The following FNBP1 variants were observed in gnomAD, a reference collection of about 807,000 sequenced individuals.
FNBP1 encodes formin binding protein 1, also known as formin-binding protein 1.
A neutral mutation model predicts 90.6 loss-of-function variants in FNBP1; 26 were observed. The observed-to-expected ratio is 0.29, with a 90% CI of 0.21 to 0.40. FNBP1 has a LOEUF of 0.40. FNBP1 is among the 10% of genes least tolerant of loss of function. FNBP1 has a pLI of 1.00. For synonymous variants in FNBP1, 260 were observed against 265.2 expected, an observed-to-expected ratio of 0.98 and a Z score of 0.19; for missense variants, 635 against 768.0, an observed-to-expected ratio of 0.83 and a Z score of 2.05.
At chr9:129,902,836 C>T (rs759834924) in intron 13 of FNBP1, 33 bp downstream of exon 13, 2 of 1,609,734 alleles carry the variant, frequency 1.2e-6, no homozygotes, top group South Asian at 1.1e-5. Flanking sequence ...TTCTTCGTTT[C>T]CAACAAAGCT....
intron 13 of FNBP1, among the ~76,000 whole-genome samples, chr9:129,901,071 A>G (rs1564269308): frequency 6.6e-6 from 1 of 152,094 alleles, no homozygotes. Context: ...AGATAAAATG[A>G]CCTTCAGCAT....
intron 1 of FNBP1, among the ~76,000 whole-genome samples, chr9:130,018,793 A>G (rs150049815): frequency 3.5e-4 from 54 of 152,324 alleles, no homozygotes; most frequent in African/African-American, 1.3e-3. Flanking sequence ...AAATAAGAAT[A>G]TAGTGTAGCT....
rs1354659698 is a variant in FNBP1 at position 130,007,333 on chromosome 9, AT to A, written c.25-12376del. Among the ~76,000 whole-genome samples the A allele has an allele frequency of 3.4e-4, 52 of 151,964 alleles. 1 individual carries two copies. The East Asian group carries it at 8.7e-3, about 25-fold the overall frequency. ...TTCATATTTTTATAACAATAATTATATTGTGTAAAAGGGCATTAAGGAGGCT... is the reference window on the plus strand; with the variant it reads ...TTCATATTTTTATAACAATAATTATATGTGTAAAAGGGCATTAAGGAGGCT... On this transcript the variant is annotated intron_variant, in intron 1 of 16. Transcript: ENST00000446176.
chr9:129,922,561 A>G (rs2041267606), intron 10 of FNBP1, among the ~76,000 whole-genome samples: 1 of 152,228 alleles, frequency 6.6e-6, no homozygotes, highest in East Asian at 1.9e-4. Flanking sequence ...GGAAAAAAGT[A>G]AATGAGCACA....
intron 1 of FNBP1, among the ~76,000 whole-genome samples, chr9:130,020,167 A>C (rs1293051721): frequency 6.6e-6 from 1 of 152,106 alleles, no homozygotes; most frequent in African/African-American, 2.4e-5. Context: ...AACGACATAG[A>C]TCTCATTTCA....
chr9:129,987,655 C>T (rs951785329), intron 2 of FNBP1, among the ~76,000 whole-genome samples: 6 of 151,812 alleles, frequency 4.0e-5, no homozygotes, highest in South Asian at 2.1e-4. Flanking sequence ...ATGACAGGAG[C>T]GCCCGGCTAA....
chr9:129,985,961 CAAAAAAA>C (rs898462142), intron 2 of FNBP1, among the ~76,000 whole-genome samples: 26 of 45,130 alleles, frequency 5.8e-4, no homozygotes, highest in East Asian at 1.3e-3. Flanking sequence ...AGCTCCATCT[CAAAAAAA>C]AAAAAAAAAA....
chr9:130,049,308 G>A, the FNBP1 span, among the ~76,000 whole-genome samples: 3 of 152,196 alleles, frequency 2.0e-5, no homozygotes, highest in Non-Finnish European at 4.4e-5. Context: ...ACGATTGCTT[G>A]AGCCTGGTAA....
At position 129,900,539 on chromosome 9, in the gene FNBP1, C is replaced by T. The variant is rs548685688; in HGVS notation, c.1437G>A (p.Leu479=). The change falls in exon 14 of 17, where the codon CTG becomes CTA. Residue 479 remains leucine, a synonymous_variant. Transcript: ENST00000446176. This position sits in a 1 kb window ranked among gnomAD's most constrained non-coding sequence, Gnocchi z 4.1. ...RVETQKFEAW[L]AEVEGRLPAR... Reference sequence around the variant, plus strand: ...CTGGGAGCCGGCCTTCAACCTCAGCCAGCCAGGCCTGGAGACAAAAGCAAT... The same window carrying T: ...CTGGGAGCCGGCCTTCAACCTCAGCTAGCCAGGCCTGGAGACAAAAGCAAT... The T allele has an allele frequency of 1.5e-5, 23 of 1,567,578 alleles. No homozygotes were observed. In the South Asian group the frequency reaches 2.6e-4, roughly 18 times the overall value.
intron 16 of FNBP1, chr9:129,895,589 A>G: frequency 8.1e-7 from 1 of 1,240,572 alleles, no homozygotes; most frequent in African/African-American, 1.5e-5. Flanking sequence ...CATAGCTGTA[A>G]GTTGGCGGTT....
intron 6 of FNBP1, among the ~76,000 whole-genome samples, chr9:129,938,541 C>CTTTTTTTTTTTT (rs77369142): frequency 2.8e-5 from 4 of 140,630 alleles, no homozygotes; most frequent in African/African-American, 7.9e-5. Flanking sequence ...TTTCCTGACT[C>CTTTTTTTTTTTT]TTTTTTTTTT....
chr9:129,990,308 A>G (rs2052926758), intron 2 of FNBP1, among the ~76,000 whole-genome samples: 1 of 152,360 alleles, frequency 6.6e-6, no homozygotes, highest in Middle Eastern at 3.4e-3. Flanking sequence ...AATATAGGAA[A>G]ACTGAAAAAG....
rs1005594973 is a variant in FNBP1 at position 129,888,486 on chromosome 9, G to A, written c.*2053C>T. The A allele has an allele frequency of 3.0e-5, 7 of 232,622 alleles. No individual in the cohort carries two copies. Among genetic ancestry groups the A allele is most frequent in the Admixed American group, 5.6e-5 (1 of 17,774 alleles). 14.4% of individuals were successfully genotyped at this position (232,622 alleles called of 1,614,324 possible). On this transcript the variant is annotated 3_prime_UTR_variant, in exon 17 of 17. Transcript: ENST00000446176. ...TGACTCTTCTCACCCTGTGTCATCCGGGCTTGTCTTTCGTCTGTCAAGTCA... is the reference window on the plus strand; with the variant it reads ...TGACTCTTCTCACCCTGTGTCATCCAGGCTTGTCTTTCGTCTGTCAAGTCA...
At chr9:130,017,646 A>G (rs1589287082) in intron 1 of FNBP1, among the ~76,000 whole-genome samples, 1 of 152,050 alleles carries the variant, frequency 6.6e-6, no homozygotes, top group African/African-American at 2.4e-5. Flanking sequence ...CCTGGCCAAC[A>G]TCGCGAAACC....
At chr9:129,926,574 A>G (rs2041943564) in intron 8 of FNBP1, among the ~76,000 whole-genome samples, 1 of 152,008 alleles carries the variant, frequency 6.6e-6, no homozygotes, top group Non-Finnish European at 1.5e-5. Context: ...GGCCTGAGAT[A>G]ATGTCAAAAG....
intron 6 of FNBP1, chr9:129,936,466 C>T (rs542405480): frequency 3.3e-5 from 5 of 152,218 alleles, no homozygotes; most frequent in Admixed American, 6.5e-5. Flanking sequence ...AGCACCGATC[C>T]CGATTCCCTC....
chr9:129,921,391 G>GT (rs2041067459), intron 10 of FNBP1, among the ~76,000 whole-genome samples: 1 of 149,856 alleles, frequency 6.7e-6, no homozygotes, highest in Non-Finnish European at 1.5e-5. Context: ...TTTTTTCATG[G>GT]GTTTTTTTTT....
chr9:130,027,995 A>G lies in FNBP1; in HGVS notation c.24+14957T>C, dbSNP rs550604127. Among the ~76,000 whole-genome samples the G allele has an allele frequency of 4.0e-4, 61 of 152,088 alleles. No homozygotes were observed. In the Middle Eastern group the frequency reaches 0.014, roughly 34 times the overall value. On this transcript the variant is annotated intron_variant, in intron 1 of 16. Coordinates refer to ENST00000446176, the MANE Select transcript of FNBP1 (RefSeq NM_015033.3). The stretch of plus-strand genomic sequence containing the variant: ...CTCAAACTCGTGTGTTCAAACAATC[A>G]TCCCCCTCACCTCTACCCCCACCTG...
At position 129,923,977 on chromosome 9, in the gene FNBP1, G is replaced by T. The variant is rs200818836; in HGVS notation, c.1037C>A (p.Ala346Asp). The change falls in exon 10 of 17, where the codon GCC (alanine) becomes GAC (aspartate). Residue 346 changes from alanine to aspartate, a missense_variant. Transcript: ENST00000446176. ...SPHQPPPPPPASASPSAVPNG... is the reference protein window; with the variant it reads ...SPHQPPPPPPDSASPSAVPNG... ...GGGAACAGCAGAGGGTGAGGCAGAGGCAGGAGGGGGAGGGGGAGGCTGATG... is the reference window on the plus strand; with the variant it reads ...GGGAACAGCAGAGGGTGAGGCAGAGTCAGGAGGGGGAGGGGGAGGCTGATG... 132 of 1,528,616 alleles carry T rather than the reference G, an allele frequency of 8.6e-5. No individual in the cohort carries two copies. In the African/African-American group the frequency reaches 1.2e-3, roughly 14 times the overall value. The allele number at this position is 1,528,616 out of a possible 1,614,324, so 94.7% of individuals were successfully genotyped here.
Sources: allele counts gnomAD v4.1 joint callset (sites outside exome capture counted in the v4.1 genomes callset), GRCh38; gene constraint gnomAD v4.1.1; non-coding constraint Gnocchi (gnomAD v3.1); transcripts MANE v1.5; gene names NCBI Gene and HGNC (gene_info 2026-07-23, HGNC 2026-07-21).